The following ACAD8 variants were observed in gnomAD, a reference collection of about 807,000 sequenced individuals.
The protein encoded by ACAD8 is acyl-CoA dehydrogenase family member 8.
In ACAD8, 47 loss-of-function variants were observed where a neutral mutation model predicts 53.1. That is an observed-to-expected ratio of 0.89 (90% CI 0.70 to 1.13). The LOEUF (loss-of-function observed/expected upper bound fraction) is 1.13, where lower values mean the gene tolerates loss of function less well. Ranked by LOEUF, ACAD8 falls within the 50% of genes most tolerant of loss-of-function variation. The probability of loss-of-function intolerance (pLI) is 0.00; values close to 1 mark genes in which losing one functional copy is unlikely to be tolerated. For synonymous variants in ACAD8, 198 were observed against 201.3 expected (o/e 0.98, Z 0.14); for missense variants, 494 against 535.0 (o/e 0.92, Z 0.76).
Position 134,262,547 on chromosome 11 carries a change from G to C in ACAD8, c.1120G>C (p.Gly374Arg). 1 of 1,613,872 alleles carries C rather than the reference G, an allele frequency of 6.2e-7. No homozygotes were observed. Among genetic ancestry groups the C allele is most frequent in the Non-Finnish European group, 8.5e-7 (1 of 1,179,880 alleles). The change falls in exon 10 of 11, where the codon GGG becomes CGG. Residue 374 changes from glycine (G) to arginine (R), a missense_variant. By Grantham distance (125) the Gly-to-Arg change is moderately radical (BLOSUM62 -2). Transcript: ENST00000281182. ...AICNQALQMH[G>R]GYGYLKDYAV... ...CTGCAACCAGGCCTTGCAGATGCAC[G>C]GGGGCTACGGCTACCTGAAGGATTA...
rs1463122791 is a variant in ACAD8 at position 134,254,269 on chromosome 11, A to G, written c.109+560A>G. ...GTCATACAAGATTTGCTCACACACA[A>G]AGATTTGGTATCTTAACACCTCTGG... On this transcript the variant is annotated intron_variant, in intron 1 of 10. Transcript: ENST00000281182. Among the ~76,000 whole-genome samples the G allele has an allele frequency of 3.3e-5, 5 of 152,192 alleles. No individual in the cohort carries two copies. In the South Asian group the frequency reaches 1.0e-3, roughly 31 times the overall value.
rs1246012154 is a variant in ACAD8, at chr11:134,264,792, A to G, written c.1196-116A>G. The stretch of plus-strand genomic sequence containing the variant: ...CATCTCTCCCAGGCTAAAAGCAATG[A>G]TTGTAGTTTAAATCTGCAGCTACTC... On this transcript the variant is annotated intron_variant, in intron 10 of 10. Transcript: ENST00000281182. 3.4e-5 allele frequency: 30 copies of G among 877,332 alleles called. No individual in the cohort carries two copies. In the South Asian group the frequency reaches 3.6e-4, roughly 10 times the overall value. The allele number at this position is 877,332 out of a possible 1,614,324, so 54.3% of individuals were successfully genotyped here. A position where few individuals can be genotyped will look rare whatever the true frequency, so the allele number is the denominator to read the frequency against.
intron 10 of ACAD8, 135 bp downstream of exon 10, chr11:134,262,757 T>G: frequency 6.6e-7 from 1 of 1,506,166 alleles, no homozygotes; most frequent in East Asian, 2.6e-5. Context: ...TCCTCCTCCC[T>G]CCCGTTCCGC....
rs753860291 is a variant in ACAD8, at chr11:134,261,935, G to A, written c.1092+45G>A. On this transcript the variant is annotated intron_variant, in intron 9 of 10. Transcript: ENST00000281182. This position sits in a 1 kb window ranked among gnomAD's most constrained non-coding sequence, Gnocchi z 4.2. The stretch of plus-strand genomic sequence containing the variant: ...CTCCTGGGATGGACAGGGAACAGCT[G>A]CTAGGCCCAGGGGTCTTGAGAGACA... 1.9e-6 allele frequency: 3 copies of A among 1,608,598 alleles called. No homozygotes were observed. Among genetic ancestry groups the A allele is most frequent in the South Asian group, 2.2e-5 (2 of 90,624 alleles).
At chr11:134,258,319 G>A (rs1044124960) in intron 3 of ACAD8, 196 bp from the exon 4 acceptor site, 7 of 632,740 alleles carry the variant, frequency 1.1e-5, no homozygotes, top group African/African-American at 7.3e-5. Flanking sequence ...TTATCTCTGG[G>A]TAGTCCTTAT....
intron 9 of ACAD8, chr11:134,262,096 A>G (rs1939915108): frequency 8.6e-6 from 6 of 694,950 alleles, no homozygotes; most frequent in Non-Finnish European, 1.6e-5. Flanking sequence ...GCCATTATAC[A>G]CTTCATTATG....
intron 10 of ACAD8, chr11:134,263,464 A>G (rs1940022965): frequency 1.0e-6 from 1 of 983,902 alleles, no homozygotes; most frequent in Non-Finnish European, 1.2e-6. Context: ...ATCTGCAACA[A>G]GTCTTCAAGT....
intron 6 of ACAD8, 59 bp downstream of exon 6, chr11:134,259,804 C>T: frequency 6.2e-7 from 1 of 1,612,846 alleles, no homozygotes; most frequent in South Asian, 1.1e-5. Context: ...CCTGCCAGCC[C>T]AACTCCTGCT....
chr11:134,263,556 G>T (rs1940028193), intron 10 of ACAD8: 1 of 985,374 alleles, frequency 1.0e-6, no homozygotes, highest in African/African-American at 1.7e-5. Flanking sequence ...GCTACCACAG[G>T]TTAGACCGCT....
Position 134,265,190 on chromosome 11 carries a change from A to G in ACAD8, c.*230A>G. ...GATGAGAAACATCAGAAGAACACAT[A>G]CTACCTTGTTTTCCTAATGCCAGAA... On this transcript the variant is annotated 3_prime_UTR_variant, in exon 11 of 11. Transcript: ENST00000281182. 1.7e-6 allele frequency: 1 copy of G among 584,636 alleles called. No individual in the cohort carries two copies. Among genetic ancestry groups the G allele is most frequent in the Non-Finnish European group, 3.0e-6 (1 of 328,228 alleles). 36.2% of individuals were successfully genotyped at this position (584,636 alleles called of 1,614,324 possible).
intron 10 of ACAD8, chr11:134,263,429 G>GTCTA (rs1250856389): frequency 1.0e-6 from 1 of 983,878 alleles, no homozygotes; most frequent in Non-Finnish European, 1.2e-6. Context: ...GCTCCAGAGG[G>GTCTA]TCTAGTGTGG....
rs756666725 is a variant in ACAD8, at chr11:134,265,834, C to T, written c.*874C>T. ...CTGGATTTTGGAATAATAAAACTCT[C>T]GTCCAATTTGGCTTTTAAAAAGCAG... On this transcript the variant is annotated 3_prime_UTR_variant, in exon 11 of 11. Transcript: ENST00000281182. 6.6e-6 allele frequency: 1 copy of T among 152,158 alleles called. No homozygotes were observed. The highest frequency in any genetic ancestry group is 1.5e-5 in the Non-Finnish European group (1 of 68,038). The allele number at this position is 152,158 out of a possible 1,614,324, so 9.4% of individuals were successfully genotyped here. A position where few individuals can be genotyped will look rare whatever the true frequency, so the allele number is the denominator to read the frequency against.
rs779459988 is a variant in ACAD8 at position 134,262,560 on chromosome 11, A to C, written c.1133A>C (p.Tyr378Ser). 2.5e-6 allele frequency: 4 copies of C among 1,614,084 alleles called. No individual in the cohort carries two copies. The highest frequency in any genetic ancestry group is 3.4e-6 in the Non-Finnish European group (4 of 1,180,000). Reference protein sequence around the residue: ...QALQMHGGYGYLKDYAVQQYV... With the variant: ...QALQMHGGYGSLKDYAVQQYV... The stretch of plus-strand genomic sequence containing the variant: ...TTGCAGATGCACGGGGGCTACGGCT[A>C]CCTGAAGGATTACGCTGTTCAGCAG... Residue 378 changes from tyrosine to serine, a missense_variant, in exon 10 of 11, where the codon TAC becomes TCC. Physicochemically the swap from Tyr to Ser is moderately radical, Grantham distance 144 (BLOSUM62 -2). Transcript: ENST00000281182.
Position 134,257,264 on chromosome 11 carries a change from GC to G in ACAD8, c.380+10del, listed in dbSNP as rs748119736. The G allele has an allele frequency of 3.7e-5, 60 of 1,614,090 alleles. No individual in the cohort carries two copies. The African/African-American group carries it at 7.9e-4, about 21-fold the overall frequency. On this transcript the variant is annotated splice_region_variant and intron_variant, in intron 3 of 10. Transcript: ENST00000281182. Reference sequence around the variant, plus strand: ...CCTATATAAGCATCCACAAGTGAGTGCCCAAGCTTGGAAGGCACAATGAAGT... The same window carrying G: ...CCTATATAAGCATCCACAAGTGAGTGCCAAGCTTGGAAGGCACAATGAAGT...
rs372337818 is a variant in ACAD8 at position 134,261,202 on chromosome 11, A to G, written c.841+23A>G. The G allele has an allele frequency of 1.3e-4, 206 of 1,613,810 alleles. No homozygotes were observed. Among genetic ancestry groups the G allele is most frequent in the Non-Finnish European group, 1.7e-4 (195 of 1,179,968 alleles). The stretch of plus-strand genomic sequence containing the variant: ...TTGGTGAGATACGCAGGGGTGTGGC[A>G]GGGAGGTAGCGGTCCGGGACAGGCA... On this transcript the variant is annotated intron_variant, in intron 7 of 10. Coordinates refer to ENST00000281182, the MANE Select transcript of ACAD8 (RefSeq NM_014384.3). This position sits in a 1 kb window ranked among gnomAD's most constrained non-coding sequence, Gnocchi z 4.2.
Position 134,253,717 on chromosome 11 carries a change from T to G in ACAD8, c.109+8T>G. ...TGACCTCCTGCATCGACCGTAAGGA[T>G]CTCCTGGCGGGCAGTAGGACAGGTG... On this transcript the variant is annotated splice_region_variant and intron_variant, in intron 1 of 10. Coordinates refer to ENST00000281182, the MANE Select transcript of ACAD8 (RefSeq NM_014384.3). 2 of 1,587,806 alleles carry G rather than the reference T, an allele frequency of 1.3e-6. No individual in the cohort carries two copies. Among genetic ancestry groups the G allele is most frequent in the Non-Finnish European group, 8.6e-7 (1 of 1,168,208 alleles).
At position 134,258,622 on chromosome 11, in the gene ACAD8, C is replaced by T; in HGVS notation, c.488C>T (p.Pro163Leu). 1 of 1,612,496 alleles carries T rather than the reference C, an allele frequency of 6.2e-7. No homozygotes were observed. Among genetic ancestry groups the T allele is most frequent in the Non-Finnish European group, 8.5e-7 (1 of 1,178,882 alleles). Residue 163 changes from proline (P) to leucine (L), a missense_variant and splice_region_variant, in exon 4 of 11, where the codon CCA (proline) becomes CTA (leucine). Pro to Leu is a moderately conservative substitution (Grantham distance 98, BLOSUM62 -3). Coordinates refer to ENST00000281182, the MANE Select transcript of ACAD8 (RefSeq NM_014384.3). ...TTTGCTTCCTACTGCCTCACTGAACCAGGTGAATTTGCCACACTGCACTGA... is the reference window on the plus strand; with the variant it reads ...TTTGCTTCCTACTGCCTCACTGAACTAGGTGAATTTGCCACACTGCACTGA... ...EKFASYCLTEPGSGSDAASLL... is the reference protein window; with the variant it reads ...EKFASYCLTELGSGSDAASLL...
chr11:134,253,804 C>A, intron 1 of ACAD8, 95 bp downstream of exon 1: 5 of 1,294,976 alleles, frequency 3.9e-6, no homozygotes, highest in African/African-American at 1.5e-5. Flanking sequence ...CATCCAGTCA[C>A]CCCGGCGTCA....
rs1591502362 is a variant in ACAD8, at chr11:134,254,762, G to C, written c.109+1053G>C. On this transcript the variant is annotated intron_variant, in intron 1 of 10. Transcript: ENST00000281182. ...ACACTTGAGTGGCTCTGCAGTCAAA[G>C]GCTTTTCCCATTTCATTTGGAGTGT... Among the ~76,000 whole-genome samples the C allele has an allele frequency of 2.0e-5, 3 of 152,296 alleles. No individual in the cohort carries two copies. The East Asian group carries it at 5.8e-4, about 29-fold the overall frequency.
Sources: gnomAD v4.1 joint callset for allele counts (sites outside exome capture counted in the v4.1 genomes callset) on GRCh38, gnomAD v4.1.1 for gene constraint, Gnocchi (gnomAD v3.1) non-coding constraint, MANE v1.5 for transcripts, NCBI Gene and HGNC (gene_info 2026-07-23, HGNC 2026-07-21) for gene names.